AHCYL2: variants seen among roughly 807,000 people sequenced by gnomAD.
AHCYL2 encodes S-adenosylhomocysteine hydrolase-like protein 2.
Under a neutral mutation model 81.4 loss-of-function variants are expected in AHCYL2, and 28 were observed. The ratio of observed to expected loss-of-function variants is 0.34; its 90% CI spans 0.25 to 0.47. The LOEUF is 0.47. Ranked by LOEUF, AHCYL2 falls within the 20% of genes least tolerant of loss-of-function variation. The pLI, the probability that AHCYL2 is intolerant of heterozygous loss-of-function variation, is 1.00. For missense variants in AHCYL2, 551 were observed against 785.1 expected, an observed-to-expected ratio of 0.70 and a Z score of 3.56; for synonymous variants, 272 against 290.2, an observed-to-expected ratio of 0.94 and a Z score of 0.64.
intron 4 of AHCYL2, among the ~76,000 whole-genome samples, chr7:129,396,044 GAA>G (rs1380514685): frequency 6.6e-6 from 1 of 152,170 alleles, no homozygotes; most frequent in Non-Finnish European, 1.5e-5. Context: ...ATGGGCTCAA[GAA>G]AAGTTTGGCT....
At chr7:129,346,181 G>T (rs554928593) in intron 1 of AHCYL2, among the ~76,000 whole-genome samples, 99 of 152,170 alleles carry the variant, frequency 6.5e-4, no homozygotes, top group Admixed American at 1.2e-3. Context: ...CTTCAGTATT[G>T]TGTCTCCTTT....
chr7:129,302,346 C>T (rs1241749448), intron 1 of AHCYL2, among the ~76,000 whole-genome samples: 2 of 130,186 alleles, frequency 1.5e-5, no homozygotes, highest in Non-Finnish European at 3.2e-5. Context: ...AGTTTGAGTG[C>T]CCTTATATCT....
At chr7:129,257,148 A>G (rs1463258992) in intron 1 of AHCYL2, among the ~76,000 whole-genome samples, 1 of 152,182 alleles carries the variant, frequency 6.6e-6, no homozygotes, top group Non-Finnish European at 1.5e-5. Context: ...AAAAACAGAA[A>G]AACATGAACT....
intron 1 of AHCYL2, among the ~76,000 whole-genome samples, chr7:129,353,188 TC>T (rs1793627932): frequency 6.6e-6 from 1 of 152,156 alleles, no homozygotes; most frequent in South Asian, 2.1e-4. Context: ...CCTTAGGTGA[TC>T]CACCTGCCTC....
intron 1 of AHCYL2, among the ~76,000 whole-genome samples, chr7:129,227,404 C>G (rs1044977796): frequency 1.4e-5 from 2 of 144,586 alleles, no homozygotes; most frequent in Non-Finnish European, 3.0e-5. Flanking sequence ...GTGGATTGCT[C>G]GAGTCCAGGA....
intron 1 of AHCYL2, among the ~76,000 whole-genome samples, chr7:129,240,129 C>T (rs559317888): frequency 4.6e-5 from 7 of 152,078 alleles, no homozygotes; most frequent in African/African-American, 1.7e-4. Flanking sequence ...GCAGGAGAAT[C>T]GCTTGAACCC....
chr7:129,310,364 A>G (rs1033563451), intron 1 of AHCYL2, among the ~76,000 whole-genome samples: 3 of 152,142 alleles, frequency 2.0e-5, no homozygotes, highest in Non-Finnish European at 4.4e-5. Context: ...CAAATCATTC[A>G]TTCTTTCAGT....
At chr7:129,287,839 G>A (rs1215851717) in intron 1 of AHCYL2, among the ~76,000 whole-genome samples, 5 of 152,080 alleles carry the variant, frequency 3.3e-5, no homozygotes, top group African/African-American at 7.2e-5. Context: ...GGAAAATGTC[G>A]ATCATGTACT....
At chr7:129,413,553 T>C in intron 11 of AHCYL2, 41 bp from the exon 12 acceptor site, 5 of 1,454,064 alleles carry the variant, frequency 3.4e-6, no homozygotes, top group Admixed American at 1.7e-5. Flanking sequence ...CTGTGGATTA[T>C]CTTTCTCCAC....
In AHCYL2 at chr7:129,286,876, T is replaced by C. The variant is rs190868202; in HGVS notation, c.363+61437T>C. Among the ~76,000 whole-genome samples the C allele has an allele frequency of 3.9e-5, 6 of 152,348 alleles. No homozygotes were observed. The East Asian group carries it at 1.2e-3, about 29-fold the overall frequency. The stretch of plus-strand genomic sequence containing the variant: ...CTGATAATTTAAAAATATTGATTGA[T>C]TGATTGATTTAAAATAGCTATAAAC... On this transcript the variant is annotated intron_variant, in intron 1 of 16. Coordinates refer to ENST00000325006, the MANE Select transcript of AHCYL2 (RefSeq NM_015328.4).
chr7:129,244,298 C>T (rs1029309818), intron 1 of AHCYL2, among the ~76,000 whole-genome samples: 1 of 152,070 alleles, frequency 6.6e-6, no homozygotes, highest in African/African-American at 2.4e-5. Flanking sequence ...GCCACTGTGC[C>T]TGGCCTTATT....
chr7:129,359,370 T>C (rs1273205263), intron 1 of AHCYL2, among the ~76,000 whole-genome samples: 2 of 152,222 alleles, frequency 1.3e-5, no homozygotes, highest in Non-Finnish European at 2.9e-5. Flanking sequence ...AGGCGACCTA[T>C]GAGAAGGCTC....
At chr7:129,322,137 A>G (rs1798058700) in intron 1 of AHCYL2, among the ~76,000 whole-genome samples, 2 of 149,508 alleles carry the variant, frequency 1.3e-5, no homozygotes, top group African/African-American at 4.9e-5. Flanking sequence ...GTGTATAGGA[A>G]GGTAAGGTTT....
chr7:129,402,753 A>G (rs1189922031), intron 6 of AHCYL2, among the ~76,000 whole-genome samples: 3 of 152,142 alleles, frequency 2.0e-5, no homozygotes, highest in Non-Finnish European at 4.4e-5. Flanking sequence ...TTCCCTGGTT[A>G]TTTTTAATTT....
At chr7:129,358,943 T>A (rs1400815086) in intron 1 of AHCYL2, among the ~76,000 whole-genome samples, 1 of 152,202 alleles carries the variant, frequency 6.6e-6, no homozygotes, top group Non-Finnish European at 1.5e-5. Context: ...TTTGGAAAAT[T>A]GTTTGACATT....
intron 1 of AHCYL2, among the ~76,000 whole-genome samples, chr7:129,277,027 C>G (rs1262994254): frequency 6.6e-6 from 1 of 152,010 alleles, no homozygotes; most frequent in Non-Finnish European, 1.5e-5. Flanking sequence ...AAAATTGACT[C>G]AAGGAGGAAT....
At chr7:129,351,550 G>A (rs1031217830) in intron 1 of AHCYL2, 1 of 152,192 alleles carries the variant, frequency 6.6e-6, no homozygotes, top group African/African-American at 2.4e-5. Flanking sequence ...CAAAGGGAAA[G>A]GTGAAAAGGA....
chr7:129,397,414 C>A, intron 5 of AHCYL2, 90 bp downstream of exon 5: 1 of 1,264,232 alleles, frequency 7.9e-7, no homozygotes, highest in Non-Finnish European at 1.1e-6. Flanking sequence ...AGAAGGTTGA[C>A]AATAAAAGAA....
chr7:129,397,164 C>G lies in AHCYL2; in HGVS notation c.721-58C>G. On this transcript the variant is annotated intron_variant, in intron 4 of 16. Coordinates refer to ENST00000325006, the MANE Select transcript of AHCYL2 (RefSeq NM_015328.4). The stretch of plus-strand genomic sequence containing the variant: ...TGATTGTAAAATATATAAACTTTAT[C>G]TCCTTGACTAGTTGTTTGGCCCAGG... 4.4e-6 allele frequency: 6 copies of G among 1,379,270 alleles called. No individual in the cohort carries two copies. In the South Asian group the frequency reaches 6.2e-5, roughly 14 times the overall value. The allele number at this position is 1,379,270 out of a possible 1,614,324, so 85.4% of individuals were successfully genotyped here. A position where few individuals can be genotyped will look rare whatever the true frequency, so the allele number is the denominator to read the frequency against.
Sources: allele counts gnomAD v4.1 joint callset (sites outside exome capture counted in the v4.1 genomes callset), GRCh38; gene constraint gnomAD v4.1.1; transcripts MANE v1.5; gene names NCBI Gene and HGNC (gene_info 2026-07-23, HGNC 2026-07-21).